DNAH14: variants seen among roughly 807,000 people sequenced by gnomAD.
DNAH14 encodes axonemal beta dynein heavy chain 14.
DNAH14 carries 478 observed loss-of-function variants against 520.9 expected under a neutral mutation model. That is an observed-to-expected ratio of 0.92 (90% CI 0.85 to 0.99). DNAH14 has a LOEUF of 0.99. DNAH14 is among the 50% of genes least tolerant of loss of function. The probability of loss-of-function intolerance (pLI) is 0.00; values close to 1 mark genes in which losing one functional copy is unlikely to be tolerated. For synonymous variants in DNAH14, 1,581 were observed against 1,757.2 expected (o/e 0.90, Z 2.51); for missense variants, 4,831 against 5,234.5 (o/e 0.92, Z 2.38).
rs544757583 is a variant in DNAH14, at chr1:225,081,571, A to G, written c.3136+823A>G. On this transcript the variant is annotated intron_variant, in intron 19 of 85. Coordinates refer to ENST00000682510, the MANE Select transcript of DNAH14 (RefSeq NM_001367479.1). ...CCCAGATAAAATCTTGCTGTTTGCC[A>G]AAGTCTAGACTGGCAAAAACTAAAG... Among the ~76,000 whole-genome samples the G allele has an allele frequency of 3.3e-5, 5 of 152,318 alleles. No individual in the cohort carries two copies. The East Asian group carries it at 9.7e-4, about 29-fold the overall frequency.
Position 225,304,965 on chromosome 1 carries a change from T to C in DNAH14, c.8881T>C (p.Leu2961=), listed in dbSNP as rs1249917966. The C allele has an allele frequency of 6.5e-7, 1 of 1,543,382 alleles. No homozygotes were observed. The highest frequency in any genetic ancestry group is 8.7e-7 in the Non-Finnish European group (1 of 1,145,252). Residue 2961 remains leucine (L), a synonymous_variant, in exon 58 of 86, where the codon TTG becomes CTG. Coordinates refer to ENST00000682510, the MANE Select transcript of DNAH14 (RefSeq NM_001367479.1). ...CCAAATCCACAAAAGCATGAAAGAC[T>C]TGAACAGAAAATACTTTGAAGAAAC... The part of the protein sequence containing the change: ...CVQIHKSMKD[L]NRKYFEETGR...
At chr1:225,371,210 T>C (rs1033786413) in intron 77 of DNAH14, among the ~76,000 whole-genome samples, 4 of 152,116 alleles carry the variant, frequency 2.6e-5, no homozygotes, top group Non-Finnish European at 5.9e-5. Flanking sequence ...GATGTAAAAA[T>C]TCTACATAAA....
At chr1:225,278,513 C>T (rs932141220) in intron 54 of DNAH14, among the ~76,000 whole-genome samples, 2 of 152,168 alleles carry the variant, frequency 1.3e-5, no homozygotes, top group African/African-American at 4.8e-5. Flanking sequence ...CCCTCAGTCC[C>T]TATTAGTCTG....
At chr1:225,356,949 G>T (rs1250626086) in intron 73 of DNAH14, among the ~76,000 whole-genome samples, 1 of 152,144 alleles carries the variant, frequency 6.6e-6, no homozygotes, top group Non-Finnish European at 1.5e-5. Flanking sequence ...GGAAGACATG[G>T]TCTGATCAAG....
At chr1:225,239,185 A>C (rs1040850586) in intron 42 of DNAH14, among the ~76,000 whole-genome samples, 1 of 152,002 alleles carries the variant, frequency 6.6e-6, no homozygotes, top group East Asian at 1.9e-4. Context: ...GAAATTATGG[A>C]TAGATCTCCT....
At chr1:225,305,154 A>G in intron 58 of DNAH14, 65 bp downstream of exon 58, 3 of 1,473,188 alleles carry the variant, frequency 2.0e-6, no homozygotes, top group Non-Finnish European at 2.7e-6. Flanking sequence ...GAAAAGAGAC[A>G]CAAATGCAAA....
At chr1:225,194,557 T>C (rs1270804665) in intron 38 of DNAH14, among the ~76,000 whole-genome samples, 1 of 152,052 alleles carries the variant, frequency 6.6e-6, no homozygotes, top group African/African-American at 2.4e-5. Context: ...GATTTACATG[T>C]AAAACTTGAA....
rs534939444 is a variant in DNAH14 at position 225,178,450 on chromosome 1, G to A, written c.5536-6841G>A. ...ATCACAGGAATAGCAAGGGAAAGACGAGCCCCCATGGTTCAATTGCCTCCT... is the reference window on the plus strand; with the variant it reads ...ATCACAGGAATAGCAAGGGAAAGACAAGCCCCCATGGTTCAATTGCCTCCT... On this transcript the variant is annotated intron_variant, in intron 36 of 85. Coordinates refer to ENST00000682510, the MANE Select transcript of DNAH14 (RefSeq NM_001367479.1). Among the ~76,000 whole-genome samples, 14 of 152,186 alleles carry A rather than the reference G, an allele frequency of 9.2e-5. No individual in the cohort carries two copies. The East Asian group carries it at 1.4e-3, about 15-fold the overall frequency.
chr1:225,036,088 G>A (rs2066935534), intron 11 of DNAH14, among the ~76,000 whole-genome samples: 1 of 152,126 alleles, frequency 6.6e-6, no homozygotes, highest in South Asian at 2.1e-4. Flanking sequence ...TTCTGTCTGA[G>A]TTAGGTCAGA....
Position 225,351,780 on chromosome 1 carries a change from A to G in DNAH14, c.11430A>G (p.Gln3810=), listed in dbSNP as rs1405762708. The G allele has an allele frequency of 1.3e-6, 2 of 1,551,290 alleles. No individual in the cohort carries two copies. Among genetic ancestry groups the G allele is most frequent in the Admixed American group, 2.0e-5 (1 of 50,976 alleles). ...AATCCCTTTTATCAAACGTATCACAATGGGATACTTTTAAGAACAGTAAAG... is the reference window on the plus strand; with the variant it reads ...AATCCCTTTTATCAAACGTATCACAGTGGGATACTTTTAAGAACAGTAAAG... The part of the protein sequence containing the change: ...LCKSLLSNVS[Q]WDTFKNSKAV... Residue 3810 remains glutamine (Q), a synonymous_variant, in exon 72 of 86, where the codon CAA becomes CAG. Coordinates refer to ENST00000682510, the MANE Select transcript of DNAH14 (RefSeq NM_001367479.1).
chr1:224,941,456 T>C (rs1368118364), intron 1 of DNAH14, among the ~76,000 whole-genome samples: 2 of 152,120 alleles, frequency 1.3e-5, no homozygotes, highest in Admixed American at 1.3e-4. Flanking sequence ...AAATTTTCTC[T>C]CATTCTGTAG....
Position 225,104,927 on chromosome 1 carries a change from G to A in DNAH14, c.3867+4043G>A, listed in dbSNP as rs577487914. On this transcript the variant is annotated intron_variant, in intron 23 of 85. Transcript: ENST00000682510. ...CTTAGTTATTTCTTGCCTTCTGCAAGCTTTTGAATGTGTTTGCTCTTGCTT... is the reference window on the plus strand; with the variant it reads ...CTTAGTTATTTCTTGCCTTCTGCAAACTTTTGAATGTGTTTGCTCTTGCTT... Among the ~76,000 whole-genome samples the A allele has an allele frequency of 4.6e-5, 7 of 152,200 alleles. No individual in the cohort carries two copies. In the East Asian group the frequency reaches 1.2e-3, roughly 25 times the overall value.
At chr1:224,949,848 T>C (rs540608675) in intron 1 of DNAH14, among the ~76,000 whole-genome samples, 27 of 152,306 alleles carry the variant, frequency 1.8e-4, no homozygotes, top group African/African-American at 6.3e-4. Flanking sequence ...AATGAAGATA[T>C]TAGAATATAA....
At chr1:225,284,986 A>G (rs2093704105) in intron 54 of DNAH14, among the ~76,000 whole-genome samples, 1 of 152,188 alleles carries the variant, frequency 6.6e-6, no homozygotes, top group South Asian at 2.1e-4. Flanking sequence ...CAGCAACCTA[A>G]TAAAGAGCTT....
At chr1:225,303,967 A>C (rs139472462) in intron 57 of DNAH14, among the ~76,000 whole-genome samples, 11 of 152,302 alleles carry the variant, frequency 7.2e-5, no homozygotes, top group African/African-American at 2.6e-4. Context: ...CTAAGTGATC[A>C]AGGAAAGCAA....
At position 225,140,886 on chromosome 1, in the gene DNAH14, T is replaced by C. The variant is rs1160886978; in HGVS notation, c.4373T>C (p.Val1458Ala). ...CATCTAGAAGAGGTTGCAGACCTGGTAGTGCTGGATACTAGTAACTCTCGA... is the reference window on the plus strand; with the variant it reads ...CATCTAGAAGAGGTTGCAGACCTGGCAGTGCTGGATACTAGTAACTCTCGA... ...MCHLEEVADL[V>A]VLDTSNSRTK... The change falls in exon 28 of 86, where the codon GTA becomes GCA. Residue 1458 changes from valine (V) to alanine (A), a missense_variant. Transcript: ENST00000682510. The C allele has an allele frequency of 6.4e-7, 1 of 1,551,330 alleles. No homozygotes were observed. Among genetic ancestry groups the C allele is most frequent in the Non-Finnish European group, 8.7e-7 (1 of 1,146,918 alleles).
At chr1:224,999,462 C>T (rs2147769504) in intron 8 of DNAH14, among the ~76,000 whole-genome samples, 1 of 152,242 alleles carries the variant, frequency 6.6e-6, no homozygotes. Context: ...GCCTCGGCCT[C>T]CCAGAGTGCT....
intron 67 of DNAH14, among the ~76,000 whole-genome samples, 193 bp from the exon 68 acceptor site, chr1:225,337,868 C>T (rs1030168253): frequency 6.6e-6 from 1 of 152,056 alleles, no homozygotes; most frequent in Non-Finnish European, 1.5e-5. Flanking sequence ...TACAAACAAT[C>T]GAATTATACT....
intron 17 of DNAH14, among the ~76,000 whole-genome samples, chr1:225,060,456 C>T (rs887608898): frequency 3.3e-5 from 5 of 152,122 alleles, no homozygotes; most frequent in Admixed American, 2.0e-4. Context: ...GCCATTGGTT[C>T]GACCTTCCTC....
Sources: gnomAD v4.1 joint callset for allele counts (sites outside exome capture counted in the v4.1 genomes callset) on GRCh38, gnomAD v4.1.1 for gene constraint, MANE v1.5 for transcripts, NCBI Gene and HGNC (gene_info 2026-07-23, HGNC 2026-07-21) for gene names.